The following PCDHGA4 variants were observed in gnomAD, a reference collection of about 807,000 sequenced individuals.
PCDHGA4 encodes the protein protocadherin gamma subfamily A, 4, also known as protocadherin gamma-A4.
In PCDHGA4, 38 loss-of-function variants were observed where a neutral mutation model predicts 54.6. The ratio of observed to expected loss-of-function variants is 0.70; its 90% confidence interval spans 0.54 to 0.91. PCDHGA4 has a LOEUF of 0.91. Among genes scored for constraint, PCDHGA4 ranks in the 40% least tolerant of loss-of-function variants. PCDHGA4 has a pLI of 0.00. For missense variants in PCDHGA4, 1,298 were observed against 1,220.9 expected (o/e 1.06, Z -0.94); for synonymous variants, 511 against 512.9 (o/e 1.00, Z 0.05).
intron 1 of PCDHGA4, among the ~76,000 whole-genome samples, chr5:141,446,777 CT>C (rs1480571336): frequency 6.6e-6 from 1 of 152,072 alleles, no homozygotes; most frequent in South Asian, 2.1e-4. Context: ...GGTTACCATT[CT>C]TTTACTCTGA....
intron 1 of PCDHGA4, among the ~76,000 whole-genome samples, chr5:141,482,689 C>T (rs145383957): frequency 7.1e-6 from 1 of 140,984 alleles, no homozygotes; most frequent in East Asian, 1.9e-4. Flanking sequence ...GCTTGTCAGA[C>T]AGTAAAGGGG....
chr5:141,374,464 T>C, intron 1 of PCDHGA4: 1 of 1,613,434 alleles, frequency 6.2e-7, no homozygotes, highest in Non-Finnish European at 8.5e-7. Flanking sequence ...TGGACATTAA[T>C]GACAATACAC....
In PCDHGA4 at chr5:141,431,777, G is replaced by C. The variant is rs151011884; in HGVS notation, c.2515-63030G>C. 1.2e-6 allele frequency: 2 copies of C among 1,614,188 alleles called. No individual in the cohort carries two copies. The highest frequency in any genetic ancestry group is 4.5e-5 in the East Asian group (2 of 44,870). ...CAAAGTCCTGATCACTGTTCTGGAC[G>C]TGAACGACAATGCCCCAGAAGTGGT... On this transcript the variant is annotated intron_variant, in intron 1 of 3. Coordinates refer to ENST00000571252, the MANE Select transcript of PCDHGA4 (RefSeq NM_018917.4). The surrounding 1 kb of genome is among the most constrained non-coding windows in gnomAD (Gnocchi z 4.8).
chr5:141,406,307 T>C (rs2094791462), intron 1 of PCDHGA4, among the ~76,000 whole-genome samples: 1 of 152,088 alleles, frequency 6.6e-6, no homozygotes, highest in African/African-American at 2.4e-5. Flanking sequence ...GTGAACCACC[T>C]CACCCAGCAA....
chr5:141,482,032 C>T (rs1370023352), intron 1 of PCDHGA4, among the ~76,000 whole-genome samples: 1 of 151,018 alleles, frequency 6.6e-6, no homozygotes, highest in African/African-American at 2.4e-5. Flanking sequence ...TTGCAGTGAG[C>T]CAAGATCATG....
chr5:141,374,406 T>C (rs748431130), intron 1 of PCDHGA4: 8 of 1,614,018 alleles, frequency 5.0e-6, no homozygotes, highest in Non-Finnish European at 6.8e-6. Context: ...AGTTTTAACA[T>C]CCTTGTCGAG....
In PCDHGA4 at chr5:141,417,959, C is replaced by T. The variant is rs759279387; in HGVS notation, c.2514+60338C>T. 7.4e-6 allele frequency: 12 copies of T among 1,613,616 alleles called. No homozygotes were observed. The highest frequency in any genetic ancestry group is 4.0e-5 in the African/African-American group (3 of 74,932). On this transcript the variant is annotated intron_variant, in intron 1 of 3. Coordinates refer to ENST00000571252, the MANE Select transcript of PCDHGA4 (RefSeq NM_018917.4). The stretch of plus-strand genomic sequence containing the variant: ...CTACCCCACGCTGTGTGAGCCGATC[C>T]GCTACTCGATTCCGGAGGAGCTGGC...
At chr5:141,399,576 C>A (rs2093838433) in intron 1 of PCDHGA4, 4 of 1,614,028 alleles carry the variant, frequency 2.5e-6, no homozygotes, top group Non-Finnish European at 3.4e-6. Context: ...ACGGCCAAGT[C>A]TCCTACTCTA....
intron 1 of PCDHGA4, chr5:141,371,742 C>A (rs773429109): frequency 6.2e-7 from 1 of 1,614,068 alleles, no homozygotes; most frequent in East Asian, 2.2e-5. Context: ...CGACAACGTT[C>A]CCGTTTTCCA....
At chr5:141,510,653 T>G (rs1388568365) in intron 3 of PCDHGA4, among the ~76,000 whole-genome samples, 1 of 152,184 alleles carries the variant, frequency 6.6e-6, no homozygotes, top group Non-Finnish European at 1.5e-5. Context: ...ATCCCCATTT[T>G]GCAGATGAGA....
intron 1 of PCDHGA4, among the ~76,000 whole-genome samples, chr5:141,482,354 G>C (rs1461472845): frequency 6.6e-6 from 1 of 152,096 alleles, no homozygotes; most frequent in Non-Finnish European, 1.5e-5. Context: ...CTTGTTGTGA[G>C]AGTGAAAAGT....
In PCDHGA4 at chr5:141,397,217, T is replaced by C. The variant is rs534809290; in HGVS notation, c.2514+39596T>C. On this transcript the variant is annotated intron_variant, in intron 1 of 3. Transcript: ENST00000571252. The stretch of plus-strand genomic sequence containing the variant: ...AAAGATATGACATAAGAGAAGTATT[T>C]TGAGATATGAAGAAGAGCAACGTAG... Among the ~76,000 whole-genome samples, 15 of 152,296 alleles carry C rather than the reference T, an allele frequency of 9.8e-5. No individual in the cohort carries two copies. In the East Asian group the frequency reaches 2.5e-3, roughly 25 times the overall value.
intron 1 of PCDHGA4, among the ~76,000 whole-genome samples, chr5:141,373,446 C>T (rs1282910334): frequency 6.6e-6 from 1 of 152,132 alleles, no homozygotes. Flanking sequence ...TCCCTTGATC[C>T]CAGGAGGTAG....
intron 1 of PCDHGA4, chr5:141,478,585 T>A (rs1474599564): frequency 1.3e-5 from 20 of 1,576,728 alleles, no homozygotes; most frequent in Non-Finnish European, 1.7e-5. Flanking sequence ...TGTTAGTGCT[T>A]TTTTATTCCT....
intron 1 of PCDHGA4, chr5:141,374,746 C>T (rs1242744421): frequency 2.5e-6 from 4 of 1,612,108 alleles, no homozygotes; most frequent in East Asian, 4.5e-5. Context: ...GCGACCCTGT[C>T]CGCTCAAGCG....
At chr5:141,500,729 C>T (rs1434863449) in intron 2 of PCDHGA4, among the ~76,000 whole-genome samples, 2 of 152,130 alleles carry the variant, frequency 1.3e-5, no homozygotes, top group Non-Finnish European at 2.9e-5. Flanking sequence ...CCATGTCTTT[C>T]AAAATTCTTC....
rs778538278 is a variant in PCDHGA4 at position 141,371,482 on chromosome 5, G to A, written c.2514+13861G>A. The A allele has an allele frequency of 1.4e-5, 22 of 1,613,812 alleles. No individual in the cohort carries two copies. The African/African-American group carries it at 2.8e-4, about 21-fold the overall frequency. Reference sequence around the variant, plus strand: ...CATATACAAGAAGATGCTGAGCTGGGGACTGCCGTTGCCCTGATCAAAACA... The same window carrying A: ...CATATACAAGAAGATGCTGAGCTGGAGACTGCCGTTGCCCTGATCAAAACA... On this transcript the variant is annotated intron_variant, in intron 1 of 3. Coordinates refer to ENST00000571252, the MANE Select transcript of PCDHGA4 (RefSeq NM_018917.4).
At chr5:141,482,790 G>A (rs2099572686) in intron 1 of PCDHGA4, among the ~76,000 whole-genome samples, 1 of 128,870 alleles carries the variant, frequency 7.8e-6, no homozygotes, top group African/African-American at 3.5e-5. Context: ...CTGTGTGTGT[G>A]GCCGGGTACG....
Position 141,491,994 on chromosome 5 carries a change from C to T in PCDHGA4, c.2515-2813C>T. On this transcript the variant is annotated intron_variant, in intron 1 of 3. Transcript: ENST00000571252. This position sits in a 1 kb window ranked among gnomAD's most constrained non-coding sequence, Gnocchi z 6.9. ...CCTCCTTCGAGCTTCCGGTGAATTT[C>T]GGGCGATTTCCGCGGGTGTCGGGGG... The T allele has an allele frequency of 4.3e-6, 3 of 693,016 alleles. No individual in the cohort carries two copies. The allele number at this position is 693,016 out of a possible 1,614,324, so 42.9% of individuals were successfully genotyped here.
Sources: allele counts gnomAD v4.1 joint callset (sites outside exome capture counted in the v4.1 genomes callset), GRCh38; gene constraint gnomAD v4.1.1; non-coding constraint Gnocchi (gnomAD v3.1); transcripts MANE v1.5; gene names NCBI Gene and HGNC (gene_info 2026-07-23, HGNC 2026-07-21).